LIX1: variants seen among roughly 807,000 people sequenced by gnomAD.
The protein encoded by LIX1 is protein limb expression 1 homolog.
A neutral mutation model predicts 33.4 loss-of-function variants in LIX1; 24 were observed. That is an observed-to-expected ratio of 0.72 (90% CI 0.52 to 1.01). LIX1 has a LOEUF of 1.01. Ranked by LOEUF, LIX1 falls within the 50% of genes least tolerant of loss-of-function variation. The probability of loss-of-function intolerance (pLI) is 0.00; values close to 1 mark genes in which losing one functional copy is unlikely to be tolerated. For missense variants in LIX1, 311 were observed against 339.2 expected (o/e 0.92, Z 0.65); for synonymous variants, 124 against 124.0 (o/e 1.00, Z 0.00).
At chr5:97,118,848 A>T (rs186409595) in intron 2 of LIX1, among the ~76,000 whole-genome samples, 1 of 150,652 alleles carries the variant, frequency 6.6e-6, no homozygotes, top group African/African-American at 2.4e-5. Flanking sequence ...TCTCTCTTTC[A>T]TTCTCTCTCT....
At chr5:97,099,194 A>G (rs1746548931) in intron 4 of LIX1, among the ~76,000 whole-genome samples, 1 of 152,146 alleles carries the variant, frequency 6.6e-6, no homozygotes, top group South Asian at 2.1e-4. Flanking sequence ...CTTTCACTTC[A>G]TCACGTCAGT....
intron 2 of LIX1, among the ~76,000 whole-genome samples, chr5:97,117,856 T>C (rs778552886): frequency 6.6e-6 from 1 of 152,090 alleles, no homozygotes; most frequent in Non-Finnish European, 1.5e-5. Context: ...ATCTGCACTG[T>C]GTGCCACCCC....
chr5:97,104,839 T>C (rs1746927227), intron 4 of LIX1, among the ~76,000 whole-genome samples: 1 of 152,168 alleles, frequency 6.6e-6, no homozygotes, highest in Non-Finnish European at 1.5e-5. Context: ...CTTCTGAAAA[T>C]TAAGAAGCAA....
chr5:97,106,989 G>A (rs887627211), intron 3 of LIX1, among the ~76,000 whole-genome samples: 3 of 152,056 alleles, frequency 2.0e-5, no homozygotes, highest in African/African-American at 4.8e-5. Flanking sequence ...TTTCAAGTTC[G>A]GGGAAAATGG....
At chr5:97,121,116 C>T (rs1580236867) in intron 2 of LIX1, among the ~76,000 whole-genome samples, 1 of 152,086 alleles carries the variant, frequency 6.6e-6, no homozygotes, top group Non-Finnish European at 1.5e-5. Context: ...TTTCAGGGAG[C>T]TAATGCCCCC....
chr5:97,125,178 G>A (rs1747886715), intron 1 of LIX1, among the ~76,000 whole-genome samples: 1 of 152,150 alleles, frequency 6.6e-6, no homozygotes, highest in Non-Finnish European at 1.5e-5. Flanking sequence ...CAGGAGGCTG[G>A]AAAAATCCAT....
At chr5:97,141,265 T>TTC (rs1748281016) in intron 1 of LIX1, among the ~76,000 whole-genome samples, 1 of 152,212 alleles carries the variant, frequency 6.6e-6, no homozygotes, top group South Asian at 2.1e-4. Flanking sequence ...GAGAGAGACA[T>TTC]TCTTTCCTCC....
rs1317815133 is a variant in LIX1, at chr5:97,107,510, G to C, written c.247-10C>G. The C allele has an allele frequency of 6.2e-7, 1 of 1,613,528 alleles. No individual in the cohort carries two copies. The highest frequency in any genetic ancestry group is 1.3e-5 in the African/African-American group (1 of 74,988). ...CTCTACTTAAGCAGCACTTGAGAAG[G>C]GAGGGAGAAAAGGAGTCATTTGAGA... On this transcript the variant is annotated splice_polypyrimidine_tract_variant and intron_variant, in intron 2 of 5. Transcript: ENST00000274382.
At chr5:97,125,108 A>T (rs1747885426) in intron 1 of LIX1, among the ~76,000 whole-genome samples, 1 of 152,198 alleles carries the variant, frequency 6.6e-6, no homozygotes, top group Non-Finnish European at 1.5e-5. Flanking sequence ...AAAGAAGGGA[A>T]CTCTTTCATG....
rs565339506 is a variant in LIX1, at chr5:97,142,135, A to G, written c.82+360T>C. Among the ~76,000 whole-genome samples the G allele has an allele frequency of 7.0e-4, 107 of 152,344 alleles. 1 individual carries two copies. Among genetic ancestry groups the G allele is most frequent in the Non-Finnish European group, 7.3e-5 (5 of 68,028 alleles). ...TGGAGTATTAAACAGGTTAACAAAT[A>G]TTGATATATTCTAGTATCATTTCCA... On this transcript the variant is annotated intron_variant, in intron 1 of 5. Transcript: ENST00000274382.
intron 1 of LIX1, among the ~76,000 whole-genome samples, chr5:97,135,678 G>T (rs1260330149): frequency 3.3e-5 from 5 of 152,048 alleles, no homozygotes. Context: ...AATTAGCTAG[G>T]TGCAGTAGTG....
intron 1 of LIX1, among the ~76,000 whole-genome samples, chr5:97,135,613 G>A (rs1748154489): frequency 6.6e-6 from 1 of 152,156 alleles, no homozygotes; most frequent in African/African-American, 2.4e-5. Flanking sequence ...GAGGTCAGGA[G>A]TTTGAGACCA....
At chr5:97,134,796 G>A (rs1270793807) in intron 1 of LIX1, among the ~76,000 whole-genome samples, 1 of 152,136 alleles carries the variant, frequency 6.6e-6, no homozygotes, top group African/African-American at 2.4e-5. Flanking sequence ...GCCAAGTTTT[G>A]GCCAGGCTAA....
chr5:97,131,661 T>A (rs1748059385), intron 1 of LIX1, among the ~76,000 whole-genome samples: 1 of 152,236 alleles, frequency 6.6e-6, no homozygotes, highest in South Asian at 2.1e-4. Context: ...GCCTCCTTGG[T>A]ATCCAGCACA....
chr5:97,095,390 C>T lies in LIX1; in HGVS notation c.562-355G>A, dbSNP rs576841736. Reference sequence around the variant, plus strand: ...CTCATTTATTCATTGAACCCTGTTGCCCAGCATTATTTCCTTTGGAAAGAT... The same window carrying T: ...CTCATTTATTCATTGAACCCTGTTGTCCAGCATTATTTCCTTTGGAAAGAT... On this transcript the variant is annotated intron_variant, in intron 5 of 5. Coordinates refer to ENST00000274382, the MANE Select transcript of LIX1 (RefSeq NM_153234.5). Among the ~76,000 whole-genome samples, 54 of 152,300 alleles carry T rather than the reference C, an allele frequency of 3.5e-4. 4 individuals carry two copies. The South Asian group carries it at 0.011, about 30-fold the overall frequency.
intron 3 of LIX1, among the ~76,000 whole-genome samples, chr5:97,106,364 C>T (rs187213974): frequency 3.7e-4 from 57 of 152,336 alleles, no homozygotes; most frequent in African/African-American, 1.3e-3. Flanking sequence ...TCTTCTCCTG[C>T]TCCTTCCTTA....
intron 1 of LIX1, among the ~76,000 whole-genome samples, chr5:97,137,666 G>T (rs951998180): frequency 6.6e-6 from 1 of 152,090 alleles, no homozygotes; most frequent in African/African-American, 2.4e-5. Flanking sequence ...TAATTAAGAT[G>T]CACTCATTAT....
At chr5:97,096,978 T>A in intron 4 of LIX1, 91 bp from the exon 5 acceptor site, 1 of 965,222 alleles carries the variant, frequency 1.0e-6, no homozygotes, top group South Asian at 1.3e-5. Flanking sequence ...CCCAAATATA[T>A]CAGGAAACAG....
intron 1 of LIX1, among the ~76,000 whole-genome samples, chr5:97,140,919 A>G (rs1234272046): frequency 2.6e-5 from 4 of 152,216 alleles, no homozygotes; most frequent in Non-Finnish European, 5.9e-5. Context: ...AAAACAGGAC[A>G]CTTATTTGTT....
Sources: gnomAD v4.1 joint callset for allele counts (sites outside exome capture counted in the v4.1 genomes callset) on GRCh38, gnomAD v4.1.1 for gene constraint, MANE v1.5 for transcripts, NCBI Gene and HGNC (gene_info 2026-07-23, HGNC 2026-07-21) for gene names.